Variants in MDFIC2 observed in about 807,000 individuals in gnomAD.
MDFIC2 encodes the protein myoD family inhibitor domain-containing protein 2.
intron 2 of MDFIC2, chr3:70,272,456 G>A (rs1201927954): frequency 6.6e-6 from 1 of 152,106 alleles, no homozygotes; most frequent in East Asian, 1.9e-4. Context: ...GCAATGCTGG[G>A]GCATAATCCA....
At chr3:70,210,466 G>A (rs1701332401) in intron 2 of MDFIC2, among the ~76,000 whole-genome samples, 1 of 152,086 alleles carries the variant, frequency 6.6e-6, no homozygotes, top group Admixed American at 6.6e-5. Flanking sequence ...ATTTTTGGGT[G>A]AATGTTACTG....
intron 2 of MDFIC2, among the ~76,000 whole-genome samples, chr3:70,276,327 C>G (rs533266073): frequency 2.8e-4 from 43 of 152,240 alleles, no homozygotes; most frequent in African/African-American, 7.9e-4. Context: ...ATTATTCCAT[C>G]TTATGAACAC....
intron 2 of MDFIC2, among the ~76,000 whole-genome samples, chr3:70,261,437 C>G (rs1436022156): frequency 6.6e-6 from 1 of 152,198 alleles, no homozygotes; most frequent in Non-Finnish European, 1.5e-5. Context: ...CCATCTAGCA[C>G]TTCAGATGCA....
At chr3:70,213,145 G>GT (rs546356352) in intron 2 of MDFIC2, among the ~76,000 whole-genome samples, 48 of 151,874 alleles carry the variant, frequency 3.2e-4, no homozygotes, top group African/African-American at 1.1e-3. Context: ...TCTTTATTTT[G>GT]TTTTTCTTTA....
chr3:70,251,628 G>T (rs1374499547), intron 2 of MDFIC2, among the ~76,000 whole-genome samples: 2 of 152,080 alleles, frequency 1.3e-5, no homozygotes, highest in Non-Finnish European at 2.9e-5. Flanking sequence ...CAATATACCT[G>T]CAAATTTAGG....
At chr3:70,300,743 A>AACCC (rs1257728119) in intron 2 of MDFIC2, among the ~76,000 whole-genome samples, 1 of 152,100 alleles carries the variant, frequency 6.6e-6, no homozygotes, top group African/African-American at 2.4e-5. Flanking sequence ...AATGTTACAA[A>AACCC]ACCCATACTT....
At chr3:70,212,076 C>G (rs1330912788) in intron 2 of MDFIC2, among the ~76,000 whole-genome samples, 1 of 152,066 alleles carries the variant, frequency 6.6e-6, no homozygotes, top group Non-Finnish European at 1.5e-5. Flanking sequence ...TTTGTCCACA[C>G]TCACATCGTC....
chr3:70,194,800 C>T lies in MDFIC2; in HGVS notation c.*2126G>A, dbSNP rs1278201628. Among the ~76,000 whole-genome samples the T allele has an allele frequency of 6.6e-6, 1 of 152,080 alleles. No homozygotes were observed. Among genetic ancestry groups the T allele is most frequent in the Non-Finnish European group, 1.5e-5 (1 of 68,026 alleles). On this transcript the variant is annotated 3_prime_UTR_variant, in exon 4 of 4. Coordinates refer to ENST00000567252, the MANE Select transcript of MDFIC2 (RefSeq NM_001364677.1). The stretch of plus-strand genomic sequence containing the variant: ...ATATTTAACACCAATATGGCATGGC[C>T]TCACCAATGATACCAGGTACCATAT...
At chr3:70,252,391 G>A (rs968967523) in intron 2 of MDFIC2, among the ~76,000 whole-genome samples, 1 of 152,202 alleles carries the variant, frequency 6.6e-6, no homozygotes, top group Non-Finnish European at 1.5e-5. Flanking sequence ...AGACAATTGG[G>A]TGTTGGGGAG....
At chr3:70,272,413 G>A (rs954154675) in intron 2 of MDFIC2, 1 of 152,154 alleles carries the variant, frequency 6.6e-6, no homozygotes, top group Non-Finnish European at 1.5e-5. Context: ...TAATGCTTTT[G>A]AGGTTCATCC....
chr3:70,234,709 A>G (rs1701591496), intron 2 of MDFIC2, among the ~76,000 whole-genome samples: 2 of 152,014 alleles, frequency 1.3e-5, no homozygotes, highest in South Asian at 4.1e-4. Context: ...ACATACATCT[A>G]CTTTGCAGCA....
At chr3:70,236,592 T>C (rs1465504662) in intron 2 of MDFIC2, among the ~76,000 whole-genome samples, 1 of 152,100 alleles carries the variant, frequency 6.6e-6, no homozygotes, top group East Asian at 1.9e-4. Flanking sequence ...ACCCTTATTT[T>C]ACTAGAAAAC....
At chr3:70,216,509 T>C (rs7653103) in intron 2 of MDFIC2, among the ~76,000 whole-genome samples, 151,563 of 152,128 alleles carry the variant, frequency 1, 75,503 homozygotes, top group East Asian at 1. Flanking sequence ...GTCACATAAC[T>C]AGTAAGTGAT....
intron 2 of MDFIC2, among the ~76,000 whole-genome samples, chr3:70,274,202 G>A (rs1009735176): frequency 6.6e-6 from 1 of 151,770 alleles, no homozygotes; most frequent in East Asian, 1.9e-4. Context: ...GAGTGTTTGT[G>A]TGTTTGTAGA....
chr3:70,305,499 G>A (rs913051739), intron 2 of MDFIC2, among the ~76,000 whole-genome samples: 1 of 152,144 alleles, frequency 6.6e-6, no homozygotes, highest in African/African-American at 2.4e-5. Context: ...TTATCTGAGT[G>A]AGAGAATTAG....
intron 2 of MDFIC2, among the ~76,000 whole-genome samples, chr3:70,244,848 A>T (rs1250619688): frequency 2.0e-5 from 3 of 152,182 alleles, no homozygotes; most frequent in Non-Finnish European, 4.4e-5. Flanking sequence ...CTCTGCTTAC[A>T]ATTTGGGTGG....
chr3:70,226,485 C>T (rs1395254332), intron 2 of MDFIC2, among the ~76,000 whole-genome samples: 1 of 152,140 alleles, frequency 6.6e-6, no homozygotes, highest in East Asian at 1.9e-4. Context: ...CGCCTGTAAT[C>T]CCAACACTTT....
At chr3:70,276,373 A>G (rs1251417686) in intron 2 of MDFIC2, among the ~76,000 whole-genome samples, 2 of 152,220 alleles carry the variant, frequency 1.3e-5, no homozygotes, top group Non-Finnish European at 2.9e-5. Context: ...CTGGAAATGT[A>G]TGTTAATTCT....
intron 3 of MDFIC2, among the ~76,000 whole-genome samples, chr3:70,200,573 A>C (rs2106719591): frequency 6.6e-6 from 1 of 152,194 alleles, no homozygotes; most frequent in South Asian, 2.1e-4. Flanking sequence ...CTTCCCTTTA[A>C]ATCACATCCT....
Sources: gnomAD v4.1 joint callset for allele counts (sites outside exome capture counted in the v4.1 genomes callset) on GRCh38, gnomAD v4.1.1 for gene constraint, MANE v1.5 for transcripts, NCBI Gene and HGNC (gene_info 2026-07-23, HGNC 2026-07-21) for gene names.